Variants in PCNX2 observed in about 807,000 individuals in gnomAD.
PCNX2 encodes pecanex-like protein 2.
PCNX2 carries 168 observed loss-of-function variants against 223.8 expected under a neutral mutation model. The ratio of observed to expected loss-of-function variants is 0.75; its 90% CI spans 0.66 to 0.85. The LOEUF is 0.85. Among genes scored for constraint, PCNX2 ranks in the 40% least tolerant of loss-of-function variants. The pLI, the probability that PCNX2 is intolerant of heterozygous loss-of-function variation, is 0.00. For synonymous variants in PCNX2, 1,006 were observed against 1,052.6 expected (o/e 0.96, Z 0.86); for missense variants, 2,507 against 2,675.5 (o/e 0.94, Z 1.39).
intron 22 of PCNX2, among the ~76,000 whole-genome samples, 163 bp from the exon 23 acceptor site, chr1:233,090,353 C>T (rs1249338901): frequency 6.6e-6 from 1 of 152,110 alleles, no homozygotes; most frequent in African/African-American, 2.4e-5. Context: ...AAATATAAAA[C>T]TTTCAGTAGT....
At chr1:233,049,924 A>T (rs1671941932) in intron 25 of PCNX2, among the ~76,000 whole-genome samples, 1 of 152,082 alleles carries the variant, frequency 6.6e-6, no homozygotes, top group Non-Finnish European at 1.5e-5. Context: ...AAGGTAAAAG[A>T]TCTCTACAAA....
intron 23 of PCNX2, among the ~76,000 whole-genome samples, chr1:233,072,967 T>C (rs1053896950): frequency 2.6e-5 from 4 of 152,360 alleles, no homozygotes; most frequent in African/African-American, 7.2e-5. Context: ...TAATTCTTCT[T>C]TCAACATTTT....
intron 21 of PCNX2, among the ~76,000 whole-genome samples, chr1:233,129,911 G>A (rs1166161788): frequency 1.3e-5 from 2 of 152,212 alleles, no homozygotes; most frequent in African/African-American, 4.8e-5. Flanking sequence ...CCAGGGTACT[G>A]AGAGCTTTGT....
intron 18 of PCNX2, 91 bp from the exon 19 acceptor site, chr1:233,160,524 A>T: frequency 7.3e-7 from 1 of 1,379,268 alleles, no homozygotes; most frequent in South Asian, 1.3e-5. Context: ...CTGTCCTTCC[A>T]CTTTTTCCTC....
chr1:233,310,140 G>A, the PCNX2 span, among the ~76,000 whole-genome samples: 2 of 152,060 alleles, frequency 1.3e-5, no homozygotes, highest in Admixed American at 1.3e-4. Flanking sequence ...GAACTCACAA[G>A]AGGAAAACCA....
chr1:233,146,413 A>G (rs1473213749), intron 19 of PCNX2, among the ~76,000 whole-genome samples: 1 of 152,174 alleles, frequency 6.6e-6, no homozygotes, highest in African/African-American at 2.4e-5. Context: ...TTATGAAATA[A>G]AAAAAGTAAC....
intron 1 of PCNX2, among the ~76,000 whole-genome samples, chr1:233,284,187 G>C (rs925741098): frequency 1.3e-5 from 2 of 152,184 alleles, no homozygotes; most frequent in African/African-American, 4.8e-5. Flanking sequence ...ATTTGGATAG[G>C]AACGATATAT....
At chr1:233,320,729 T>C in the PCNX2 span, among the ~76,000 whole-genome samples, 6 of 152,218 alleles carry the variant, frequency 3.9e-5, no homozygotes, top group African/African-American at 9.7e-5. Context: ...AAAATGACAT[T>C]GGTCGTTTGG....
chr1:233,307,526 G>A, the PCNX2 span, among the ~76,000 whole-genome samples: 1 of 152,158 alleles, frequency 6.6e-6, no homozygotes, highest in Non-Finnish European at 1.5e-5. Flanking sequence ...CTGTGAGCCA[G>A]ATAAACCACT....
chr1:233,080,401 AACAC>A (rs10611197), intron 23 of PCNX2, among the ~76,000 whole-genome samples: 2,742 of 140,532 alleles, frequency 0.02, 69 homozygotes, highest in African/African-American at 0.06. Flanking sequence ...CACACACACA[AACAC>A]ACACACACAC....
chr1:233,203,950 C>T (rs1681290362), intron 13 of PCNX2, among the ~76,000 whole-genome samples: 1 of 152,156 alleles, frequency 6.6e-6, no homozygotes, highest in African/African-American at 2.4e-5. Flanking sequence ...CACAATAAAT[C>T]GACGGGAAAA....
chr1:233,073,575 G>A (rs1451342443), intron 23 of PCNX2, among the ~76,000 whole-genome samples: 3 of 151,336 alleles, frequency 2.0e-5, no homozygotes, highest in South Asian at 2.1e-4. Context: ...AGGATTACAG[G>A]CACAGGCCAC....
intron 5 of PCNX2, 95 bp downstream of exon 5, chr1:233,257,933 T>C (rs945897114): frequency 1.4e-6 from 2 of 1,449,774 alleles, no homozygotes; most frequent in African/African-American, 2.8e-5. Flanking sequence ...AAGAGTTGTC[T>C]CACTATTTGC....
At chr1:233,012,667 C>A (rs2102814185) in intron 28 of PCNX2, among the ~76,000 whole-genome samples, 1 of 152,054 alleles carries the variant, frequency 6.6e-6, no homozygotes, top group Middle Eastern at 3.4e-3. Context: ...AGCTGGTAAG[C>A]ATGGTGTTTA....
At chr1:233,057,815 G>A (rs1484914687) in intron 23 of PCNX2, 10 of 936,302 alleles carry the variant, frequency 1.1e-5, no homozygotes, top group Non-Finnish European at 1.3e-5. Flanking sequence ...AGCCGAGATT[G>A]CACCACTGCA....
At chr1:233,020,846 G>A (rs978578384) in intron 26 of PCNX2, among the ~76,000 whole-genome samples, 4 of 152,210 alleles carry the variant, frequency 2.6e-5, no homozygotes, top group African/African-American at 9.7e-5. Context: ...TGGGGGAACT[G>A]ACCCAGTTTA....
At position 233,259,044 on chromosome 1, in the gene PCNX2, A is replaced by G. The variant is rs754668668; in HGVS notation, c.818T>C (p.Phe273Ser). 4.3e-6 allele frequency: 7 copies of G among 1,614,014 alleles called. No homozygotes were observed. Among genetic ancestry groups the G allele is most frequent in the Non-Finnish European group, 5.1e-6 (6 of 1,179,888 alleles). The change falls in exon 5 of 34, where the codon TTC becomes TCC. Residue 273 changes from phenylalanine (F) to serine (S), a missense_variant. This residue lies in a region of PCNX2 where 1,031 missense variants were observed against 1,021.7 expected (regional missense o/e 1.01). Transcript: ENST00000258229. ...QYDLLETDVS[F>S]QPWGSENSVL... Reference sequence around the variant, plus strand: ...TGAATTCTCACTCCCCCACGGCTGGAAAGAAACGTCTGTTTCTAGTAAGTC... The same window carrying G: ...TGAATTCTCACTCCCCCACGGCTGGGAAGAAACGTCTGTTTCTAGTAAGTC...
At chr1:233,279,990 G>A (rs895797933) in intron 1 of PCNX2, among the ~76,000 whole-genome samples, 30 of 151,992 alleles carry the variant, frequency 2.0e-4, no homozygotes, top group African/African-American at 7.3e-4. Context: ...GTGTCTTTTT[G>A]AAACAGAATT....
At chr1:233,233,557 T>C (rs1658201704) in intron 9 of PCNX2, among the ~76,000 whole-genome samples, 1 of 151,960 alleles carries the variant, frequency 6.6e-6, no homozygotes, top group African/African-American at 2.4e-5. Flanking sequence ...ACACACACTG[T>C]ATTTGTACCA....
Sources: allele counts gnomAD v4.1 joint callset (sites outside exome capture counted in the v4.1 genomes callset), GRCh38; gene constraint gnomAD v4.1.1; regional missense constraint gnomAD v4.1.1; transcripts MANE v1.5; gene names NCBI Gene and HGNC (gene_info 2026-07-23, HGNC 2026-07-21).